The following MOV10 variants were observed in gnomAD, a reference collection of about 807,000 sequenced individuals.
The protein encoded by MOV10 is Mov10 RNA helicase, also known as RNA helicase MOV-10.
MOV10 carries 39 observed loss-of-function variants against 108.4 expected under a neutral mutation model. That is an observed-to-expected ratio of 0.36 (90% CI 0.28 to 0.47). MOV10 has a LOEUF of 0.47. Among genes scored for constraint, MOV10 ranks in the 20% least tolerant of loss-of-function variants. The pLI is 1.00. For missense variants in MOV10, 952 were observed against 1,297.6 expected, an observed-to-expected ratio of 0.73 and a Z score of 4.09; for synonymous variants, 490 against 523.1, an observed-to-expected ratio of 0.94 and a Z score of 0.86.
intron 11 of MOV10, 118 bp downstream of exon 11, chr1:112,695,692 T>C: frequency 9.3e-7 from 1 of 1,080,520 alleles, no homozygotes; most frequent in Middle Eastern, 2.9e-4. Flanking sequence ...TGACCTTGGG[T>C]TGGACAGGAC....
chr1:112,692,515 A>G (rs1673672507), intron 6 of MOV10, among the ~76,000 whole-genome samples: 1 of 152,202 alleles, frequency 6.6e-6, no homozygotes, highest in Admixed American at 6.5e-5. Context: ...TGTTCTGGCC[A>G]TAAGAGCCAC....
At chr1:112,695,905 G>C (rs540209083) in intron 11 of MOV10, among the ~76,000 whole-genome samples, 1 of 152,302 alleles carries the variant, frequency 6.6e-6, no homozygotes, top group African/African-American at 2.4e-5. Flanking sequence ...AGCTGAGTAT[G>C]GTGGCGCGTG....
chr1:112,693,774 C>A, intron 7 of MOV10: 1 of 376,814 alleles, frequency 2.7e-6, no homozygotes, highest in Non-Finnish European at 5.0e-6. Context: ...GGCAGCTGCA[C>A]TGGAGGCTCC....
intron 2 of MOV10, among the ~76,000 whole-genome samples, chr1:112,686,176 G>A (rs952663207): frequency 2.6e-5 from 4 of 152,140 alleles, no homozygotes; most frequent in Admixed American, 6.5e-5. Flanking sequence ...TTTTCTTAGC[G>A]TTGTGAGGGA....
intron 14 of MOV10, 146 bp from the exon 15 acceptor site, chr1:112,697,848 A>G: frequency 1.4e-6 from 1 of 692,174 alleles, no homozygotes; most frequent in South Asian, 1.7e-5. Flanking sequence ...GCCTGGCAGC[A>G]GATATTATGG....
chr1:112,689,197 G>A, intron 3 of MOV10, 59 bp downstream of exon 3: 6 of 1,485,212 alleles, frequency 4.0e-6, no homozygotes, highest in South Asian at 1.2e-5. Context: ...AGGGAAGGGG[G>A]CTATCTGTGT....
intron 3 of MOV10, 86 bp from the exon 4 acceptor site, chr1:112,689,329 C>A: frequency 2.2e-6 from 3 of 1,367,866 alleles, no homozygotes; most frequent in Non-Finnish European, 3.1e-6. Context: ...ACTTTGCCTG[C>A]CTCCCAAGCC....
intron 14 of MOV10, among the ~76,000 whole-genome samples, chr1:112,697,251 C>T (rs1674188911): frequency 2.0e-5 from 3 of 152,132 alleles, no homozygotes. Context: ...CCCCCGATCA[C>T]TTGAGGTCAG....
rs768945998 is a variant in MOV10, at chr1:112,689,604, T to G, written c.531T>G (p.Phe177Leu). 6 of 1,614,224 alleles carry G rather than the reference T, an allele frequency of 3.7e-6. No homozygotes were observed. The highest frequency in any genetic ancestry group is 5.1e-6 in the Non-Finnish European group (6 of 1,180,052). ...TCCCACTCTGCCGGACACCCCAGTT[T>G]GCTTTCTACAATGAAGACCAGGAGT... ...HLFPLCRTPQ[F>L]AFYNEDQELP... is the part of the protein sequence containing the mutation. Residue 177 changes from phenylalanine (F) to leucine (L), a missense_variant, in exon 4 of 21, where the codon TTT (phenylalanine) becomes TTG (leucine). By Grantham distance (22) the Phe-to-Leu change is conservative. Transcript: ENST00000369645.
chr1:112,686,018 ATTCCCTACTGGCCCCG>A (rs1673056467), intron 2 of MOV10, among the ~76,000 whole-genome samples: 1 of 152,146 alleles, frequency 6.6e-6, no homozygotes, highest in African/African-American at 2.4e-5. Context: ...CGGGGCCTGC[ATTCCCTACTGGCCCCG>A]TTCGAAGATA....
rs765919313 is a variant in MOV10, at chr1:112,694,175, G to A, written c.1295+3G>A. ...GTCAAGCTGAGCTTTTCCATGAGGT[G>A]GGTGTTGGGGGAACCCTGAGCTGCT... is the stretch of plus-strand genomic sequence containing the variant. On this transcript the variant is annotated splice_donor_region_variant and intron_variant, in intron 8 of 20. Transcript: ENST00000369645. The surrounding 1 kb of genome is among the most constrained non-coding windows in gnomAD (Gnocchi z 4.1). 1.9e-6 allele frequency: 3 copies of A among 1,613,998 alleles called. No homozygotes were observed. Among genetic ancestry groups the A allele is most frequent in the Non-Finnish European group, 2.5e-6 (3 of 1,180,000 alleles).
intron 2 of MOV10, among the ~76,000 whole-genome samples, chr1:112,684,293 G>A (rs1043727258): frequency 8.3e-6 from 1 of 120,044 alleles, no homozygotes; most frequent in Admixed American, 9.6e-5. Flanking sequence ...TTGTGACAGA[G>A]TTTGGTTCTT....
chr1:112,676,214 C>G (rs1377816270), intron 2 of MOV10, among the ~76,000 whole-genome samples: 1 of 152,052 alleles, frequency 6.6e-6, no homozygotes, highest in Non-Finnish European at 1.5e-5. Context: ...ACACACAATC[C>G]CAGAGGAGCA....
At position 112,693,687 on chromosome 1, in the gene MOV10, T is replaced by TTA. The variant is rs761022743; in HGVS notation, c.1141-331_1141-330insTA. On this transcript the variant is annotated intron_variant, in intron 7 of 20. Coordinates refer to ENST00000369645, the MANE Select transcript of MOV10 (RefSeq NM_001321324.2). ...GTCCGTTTTTTTTTTTTTTTTTTTT[T>TTA]AATTATTTTTTTAGCAACCCGATTA... is the stretch of plus-strand genomic sequence containing the variant. 6.5e-4 allele frequency: 90 copies of TTA among 137,898 alleles called. 2 individuals carry two copies. Among genetic ancestry groups the TTA allele is most frequent in the African/African-American group, 1.4e-3 (49 of 35,406 alleles). The allele number at this position is 137,898 out of a possible 1,614,324, so 8.5% of individuals were successfully genotyped here.
At chr1:112,696,033 CCG>C in intron 11 of MOV10, 113 bp from the exon 12 acceptor site, 3 of 749,134 alleles carry the variant, frequency 4.0e-6, no homozygotes, top group Non-Finnish European at 6.8e-6. Flanking sequence ...CAGCGAGACT[CCG>C]TCTCAATTAA....
chr1:112,677,914 C>A (rs528873965), intron 2 of MOV10, among the ~76,000 whole-genome samples: 1 of 152,224 alleles, frequency 6.6e-6, no homozygotes, highest in South Asian at 2.1e-4. Context: ...TACCTTTATT[C>A]ATTTAGCAAA....
chr1:112,695,520 C>G lies in MOV10; in HGVS notation c.1725C>G (p.Ile575Met), dbSNP rs1673988054. The change falls in exon 11 of 21, where the codon ATC becomes ATG. Residue 575 changes from isoleucine (I) to methionine (M), a missense_variant. Physicochemically the swap from Ile to Met is conservative, Grantham distance 10. This residue lies in a region of MOV10 where 453 missense variants were observed against 611.5 expected (regional missense o/e 0.74). Coordinates refer to ENST00000369645, the MANE Select transcript of MOV10 (RefSeq NM_001321324.2). ...TCCGGGTCCACCTTCCTAGCTCCAT[C>G]TACCGCCTCCTGGCCCCCAGCAGGG... The part of the protein sequence containing the change: ...QRLRVHLPSS[I>M]YRLLAPSRDI... The G allele has an allele frequency of 6.2e-7, 1 of 1,614,098 alleles. No homozygotes were observed. The highest frequency in any genetic ancestry group is 1.7e-5 in the Admixed American group (1 of 60,010).
intron 6 of MOV10, 127 bp from the exon 7 acceptor site, chr1:112,692,634 G>T (rs6537750): frequency 7.7e-7 from 1 of 1,306,002 alleles, no homozygotes; most frequent in Non-Finnish European, 1.0e-6. Context: ...TATCCCTCTA[G>T]TCTTCTCTGC....
Position 112,696,766 on chromosome 1 carries a change from G to A in MOV10, c.2118G>A (p.Leu706=), listed in dbSNP as rs748596859. 3 of 1,605,414 alleles carry A rather than the reference G, an allele frequency of 1.9e-6. No homozygotes were observed. Among genetic ancestry groups the A allele is most frequent in the Non-Finnish European group, 2.6e-6 (3 of 1,175,730 alleles). Residue 706 remains leucine (L), a synonymous_variant, in exon 14 of 21, where the codon CTG becomes CTA. Transcript: ENST00000369645. ...TGGGATACTCACTGCTGGAGCGGCTGCTCACCTACAACTCCCTGTACAAGA... is the reference window on the plus strand; with the variant it reads ...TGGGATACTCACTGCTGGAGCGGCTACTCACCTACAACTCCCTGTACAAGA... The part of the protein sequence containing the change: ...HGLGYSLLER[L]LTYNSLYKKG...
Sources: gnomAD v4.1 joint callset for allele counts (sites outside exome capture counted in the v4.1 genomes callset) on GRCh38, gnomAD v4.1.1 for gene constraint, gnomAD v4.1.1 regional missense constraint, Gnocchi (gnomAD v3.1) non-coding constraint, MANE v1.5 for transcripts, NCBI Gene and HGNC (gene_info 2026-07-23, HGNC 2026-07-21) for gene names.